Variants in TET3 observed in about 807,000 individuals in gnomAD.
TET3 encodes tet methylcytosine dioxygenase 3.
In TET3, 19 loss-of-function variants were observed where a neutral mutation model predicts 141.4. The ratio of observed to expected loss-of-function variants is 0.13; its 90% CI spans 0.09 to 0.20. TET3 has a LOEUF of 0.20. Ranked by LOEUF, TET3 falls within the 10% of genes least tolerant of loss-of-function variation. The probability of loss-of-function intolerance (pLI) is 1.00; values close to 1 mark genes in which losing one functional copy is unlikely to be tolerated. For synonymous variants in TET3, 1,043 were observed against 980.9 expected (o/e 1.06, Z -1.18); for missense variants, 1,874 against 2,356.9 (o/e 0.80, Z 4.24).
At chr2:74,052,886 C>CA (rs1217676418) in intron 4 of TET3, among the ~76,000 whole-genome samples, 1 of 151,910 alleles carries the variant, frequency 6.6e-6, no homozygotes, top group Admixed American at 6.6e-5. Context: ...CAAAACAAAA[C>CA]AAAAAAACCC....
At chr2:74,119,932 TCAAC>T in the TET3 span, among the ~76,000 whole-genome samples, 1 of 152,248 alleles carries the variant, frequency 6.6e-6, no homozygotes, top group Non-Finnish European at 1.5e-5. Context: ...TATACAAAAT[TCAAC>T]CAACGGCAGC....
Position 74,048,287 on chromosome 2 carries a change from A to C in TET3, c.2370A>C (p.Pro790=). ...QEATPTKAEN[P]LTPTLSGFLE... is the part of the protein sequence containing the mutation. ...CCACACCCACCAAGGCTGAGAACCCACTCACACCCACCCTCAGTGGCTTCT... is the reference window on the plus strand; with the variant it reads ...CCACACCCACCAAGGCTGAGAACCCCCTCACACCCACCCTCAGTGGCTTCT... Residue 790 remains proline (P), a synonymous_variant, in exon 4 of 12, where the codon CCA becomes CCC. Coordinates refer to ENST00000409262, the MANE Select transcript of TET3 (RefSeq NM_001287491.2). 6.2e-7 allele frequency: 1 copy of C among 1,613,584 alleles called. No homozygotes were observed.
At chr2:74,119,210 G>A in the TET3 span, among the ~76,000 whole-genome samples, 2 of 152,106 alleles carry the variant, frequency 1.3e-5, no homozygotes, top group Non-Finnish European at 2.9e-5. Flanking sequence ...AAAATTAGCT[G>A]GGTATGGTGT....
In TET3 at chr2:74,093,225, A is replaced by C. The variant is rs1485904767; in HGVS notation, c.3129+234A>C. 6.6e-6 allele frequency among the ~76,000 whole-genome samples: 1 copy of C among 152,112 alleles called. No homozygotes were observed. On this transcript the variant is annotated intron_variant, in intron 9 of 11. Coordinates refer to ENST00000409262, the MANE Select transcript of TET3 (RefSeq NM_001287491.2). The surrounding 1 kb of genome is among the most constrained non-coding windows in gnomAD (Gnocchi z 4.2). ...GTCTTCTCCCTTCCCCTGGTAACCC[A>C]TCCACCTCCTCTGGTCTGGTATCCA... is the stretch of plus-strand genomic sequence containing the variant.
chr2:74,003,812 G>T (rs1685003233), intron 3 of TET3, among the ~76,000 whole-genome samples: 1 of 149,342 alleles, frequency 6.7e-6, no homozygotes, highest in African/African-American at 2.5e-5. Flanking sequence ...TGCGTGGGAA[G>T]CAGAGAAGGG....
downstream of TET3, among the ~76,000 whole-genome samples, chr2:74,108,662 C>T (rs72909178): frequency 0.089 from 13,486 of 152,208 alleles, 1,536 homozygotes; most frequent in African/African-American, 0.27. Context: ...CTGGAGCTAC[C>T]TTCTTTAATT....
Position 74,105,191 on chromosome 2 carries a change from G to C in TET3, c.*3015G>C. ...GCCATTGCAACTAAAGAACCTAACAGCATGACCAAGTTCGAAGAGTCATAT... is the reference window on the plus strand; with the variant it reads ...GCCATTGCAACTAAAGAACCTAACACCATGACCAAGTTCGAAGAGTCATAT... On this transcript the variant is annotated 3_prime_UTR_variant, in exon 12 of 12. Transcript: ENST00000409262. 2.5e-6 allele frequency: 1 copy of C among 398,498 alleles called. No homozygotes were observed. The allele number at this position is 398,498 out of a possible 1,614,324, so 24.7% of individuals were successfully genotyped here. A position where few individuals can be genotyped will look rare whatever the true frequency, so the allele number is the denominator to read the frequency against.
chr2:74,072,567 ACTT>A (rs1249975360), intron 4 of TET3, among the ~76,000 whole-genome samples: 4 of 152,204 alleles, frequency 2.6e-5, no homozygotes, highest in African/African-American at 9.6e-5. Context: ...ATGTATCAGA[ACTT>A]CTTTTATTTA....
intron 4 of TET3, among the ~76,000 whole-genome samples, chr2:74,064,258 C>T (rs1455465453): frequency 6.6e-6 from 1 of 151,914 alleles, no homozygotes; most frequent in Admixed American, 6.6e-5. Context: ...ATATTGTTAT[C>T]TCGGTGAGTT....
the TET3 span, among the ~76,000 whole-genome samples, chr2:74,124,249 G>C: frequency 6.8e-6 from 1 of 147,480 alleles, no homozygotes; most frequent in Non-Finnish European, 1.5e-5. Flanking sequence ...CAGCCGCCCC[G>C]TCCGGGAGGG....
chr2:73,986,382 T>C lies in TET3; in HGVS notation c.-22T>C. On this transcript the variant is annotated 5_prime_UTR_variant, in exon 2 of 12. The change abolishes an upstream ATG in the 5' untranslated region. Transcript: ENST00000409262. ...GACTGTGGTTCTGCCCCAGCACCTATGACCCCACCTCTGGCAGCATCATGA... is the reference window on the plus strand; with the variant it reads ...GACTGTGGTTCTGCCCCAGCACCTACGACCCCACCTCTGGCAGCATCATGA... 8.1e-7 allele frequency: 1 copy of C among 1,232,198 alleles called. No homozygotes were observed. Among genetic ancestry groups the C allele is most frequent in the Non-Finnish European group, 1.0e-6 (1 of 988,100 alleles). 76.3% of individuals were successfully genotyped at this position (1,232,198 alleles called of 1,614,324 possible). A position where few individuals can be genotyped will look rare whatever the true frequency, so the allele number is the denominator to read the frequency against.
At chr2:74,076,076 A>C (rs3902790) in intron 5 of TET3, among the ~76,000 whole-genome samples, 1 of 151,968 alleles carries the variant, frequency 6.6e-6, no homozygotes, top group African/African-American at 2.4e-5. Flanking sequence ...CAGCTCTCTT[A>C]AACAACTTTT....
At chr2:73,997,874 T>C (rs1558696726) in intron 2 of TET3, among the ~76,000 whole-genome samples, 1 of 152,142 alleles carries the variant, frequency 6.6e-6, no homozygotes, top group Non-Finnish European at 1.5e-5. Context: ...TACATTCTGA[T>C]AGGGCTAAAA....
chr2:74,023,424 G>T (rs1313001557), intron 3 of TET3, among the ~76,000 whole-genome samples: 1 of 151,948 alleles, frequency 6.6e-6, no homozygotes, highest in African/African-American at 2.4e-5. Context: ...TCTATTTTTC[G>T]TAATGATGGG....
chr2:74,035,497 G>A (rs891577481), intron 3 of TET3, among the ~76,000 whole-genome samples: 1 of 150,436 alleles, frequency 6.6e-6, no homozygotes, highest in South Asian at 2.1e-4. Flanking sequence ...TATTGGGGCC[G>A]GGCATGGTGG....
intron 2 of TET3, among the ~76,000 whole-genome samples, chr2:73,995,087 G>A (rs1684526300): frequency 6.6e-6 from 1 of 152,094 alleles, no homozygotes; most frequent in Non-Finnish European, 1.5e-5. Context: ...AGCCTCCCAG[G>A]TAGCTGGGAC....
rs1354523830 is a variant in TET3 at position 74,030,055 on chromosome 2, A to G, written c.361-16223A>G. Among the ~76,000 whole-genome samples the G allele has an allele frequency of 3.9e-5, 6 of 152,220 alleles. No homozygotes were observed. The East Asian group carries it at 7.7e-4, about 20-fold the overall frequency. On this transcript the variant is annotated intron_variant, in intron 3 of 11. Transcript: ENST00000409262. ...AAAATCAAACGTCTAAAAAGTCCCT[A>G]TCCAAGAGAAAGGACTCTGTTTGTT...
chr2:74,124,980 CAT>C, the TET3 span, among the ~76,000 whole-genome samples: 11 of 135,026 alleles, frequency 8.1e-5, no homozygotes, highest in South Asian at 9.5e-4. Context: ...AAGGTGCTAA[CAT>C]GTATATTTAA....
At chr2:74,003,940 C>T (rs1005840420) in intron 3 of TET3, among the ~76,000 whole-genome samples, 26 of 152,010 alleles carry the variant, frequency 1.7e-4, no homozygotes, top group African/African-American at 5.8e-4. Context: ...ATATTCCTCC[C>T]ACGTTGGCAT....
Sources: gnomAD v4.1 joint callset for allele counts (sites outside exome capture counted in the v4.1 genomes callset) on GRCh38, gnomAD v4.1.1 for gene constraint, Gnocchi (gnomAD v3.1) non-coding constraint, MANE v1.5 for transcripts, NCBI Gene and HGNC (gene_info 2026-07-23, HGNC 2026-07-21) for gene names.